The following TNFAIP8L3 variants were observed in gnomAD, a reference collection of about 807,000 sequenced individuals.
TNFAIP8L3 encodes TNF alpha induced protein 8 like 3.
In TNFAIP8L3, 7 loss-of-function variants were observed where a neutral mutation model predicts 11.8. That is an observed-to-expected ratio of 0.59 (90% CI 0.34 to 1.11). The LOEUF is 1.11. TNFAIP8L3 is among the 50% of genes most tolerant of loss of function. The pLI is 0.03. For missense variants in TNFAIP8L3, 219 were observed against 258.6 expected, an observed-to-expected ratio of 0.85 and a Z score of 1.05; for synonymous variants, 98 against 103.8, an observed-to-expected ratio of 0.94 and a Z score of 0.34.
Position 51,101,482 on chromosome 15 carries a change from G to A in TNFAIP8L3, c.172+3523C>T, listed in dbSNP as rs533496045. Among the ~76,000 whole-genome samples the A allele has an allele frequency of 1.7e-4, 26 of 152,178 alleles. No individual in the cohort carries two copies. The East Asian group carries it at 1.7e-3, about 10-fold the overall frequency. Reference sequence around the variant, plus strand: ...ACTAAAAATACAAAATTAGCCCAGCGTGGTGGTGCATGCCTATAATCCCAG... The same window carrying A: ...ACTAAAAATACAAAATTAGCCCAGCATGGTGGTGCATGCCTATAATCCCAG... On this transcript the variant is annotated intron_variant, in intron 1 of 2. Coordinates refer to the TNFAIP8L3 transcript ENST00000327536.
exon 1 of TNFAIP8L3, chr15:51,105,228 C>G: frequency 6.3e-7 from 1 of 1,580,700 alleles, no homozygotes; most frequent in South Asian, 1.1e-5. Flanking sequence ...CACACTGACT[C>G]TTTAGGAGGT....
chr15:51,102,535 T>G (rs1403606998), intron 1 of TNFAIP8L3, among the ~76,000 whole-genome samples: 1 of 152,098 alleles, frequency 6.6e-6, no homozygotes, highest in East Asian at 1.9e-4. Context: ...TATGTAAGTC[T>G]CTGATTTCAT....
At chr15:51,075,843 T>C (rs961357606) in intron 1 of TNFAIP8L3, among the ~76,000 whole-genome samples, 8 of 152,306 alleles carry the variant, frequency 5.3e-5, no homozygotes, top group Non-Finnish European at 1.2e-4. Context: ...GGTGCTCTAA[T>C]TAATTAATGT....
intron 1 of TNFAIP8L3, among the ~76,000 whole-genome samples, chr15:51,077,823 G>A (rs1333694163): frequency 1.3e-5 from 2 of 152,204 alleles, no homozygotes; most frequent in South Asian, 2.1e-4. Flanking sequence ...ACTCCAGCTC[G>A]AGTGTGCTGG....
At chr15:51,074,834 G>T (rs1292820551) in intron 1 of TNFAIP8L3, among the ~76,000 whole-genome samples, 1 of 152,132 alleles carries the variant, frequency 6.6e-6, no homozygotes, top group Non-Finnish European at 1.5e-5. Context: ...TGCCGCTGAA[G>T]GTCCCCTCCC....
intron 1 of TNFAIP8L3, among the ~76,000 whole-genome samples, chr15:51,069,296 G>A (rs1371736313): frequency 6.6e-6 from 1 of 152,216 alleles, no homozygotes; most frequent in African/African-American, 2.4e-5. Flanking sequence ...GGGGATTTGT[G>A]TGTTTTGGGG....
At chr15:51,065,356 T>C (rs1241901504) in intron 1 of TNFAIP8L3, among the ~76,000 whole-genome samples, 1 of 152,192 alleles carries the variant, frequency 6.6e-6, no homozygotes, top group Non-Finnish European at 1.5e-5. Flanking sequence ...GGAAAAGTGC[T>C]GGGGTCAGTC....
At chr15:51,087,490 G>A (rs2065437800) in intron 1 of TNFAIP8L3, among the ~76,000 whole-genome samples, 1 of 152,128 alleles carries the variant, frequency 6.6e-6, no homozygotes, top group African/African-American at 2.4e-5. Context: ...TATAAACCAG[G>A]AGTCTCCATG....
At chr15:51,073,329 C>G (rs988339943) in intron 1 of TNFAIP8L3, among the ~76,000 whole-genome samples, 1 of 152,204 alleles carries the variant, frequency 6.6e-6, no homozygotes, top group Non-Finnish European at 1.5e-5. Context: ...GAATCTTCCT[C>G]TCCATTAACA....
upstream of TNFAIP8L3, among the ~76,000 whole-genome samples, chr15:51,099,258 C>T (rs575148897): frequency 6.6e-6 from 1 of 152,122 alleles, no homozygotes; most frequent in African/African-American, 2.4e-5. Context: ...CTCTGCACAG[C>T]CCCATCCAAG....
intron 1 of TNFAIP8L3, among the ~76,000 whole-genome samples, chr15:51,069,939 T>C (rs1317610313): frequency 6.6e-6 from 1 of 152,212 alleles, no homozygotes; most frequent in East Asian, 1.9e-4. Context: ...ATTAAAGGCC[T>C]CAGTTTGAAT....
intron 1 of TNFAIP8L3, among the ~76,000 whole-genome samples, chr15:51,088,528 A>G (rs2065445682): frequency 1.3e-5 from 2 of 152,188 alleles, no homozygotes; most frequent in African/African-American, 2.4e-5. Flanking sequence ...GCATTTCTGT[A>G]TACTATCACA....
chr15:51,105,252 A>T, exon 1 of TNFAIP8L3: 1 of 1,501,364 alleles, frequency 6.7e-7, no homozygotes, highest in South Asian at 1.3e-5. Context: ...GTCGTTTCCC[A>T]TTACTTGAGG....
intron 1 of TNFAIP8L3, among the ~76,000 whole-genome samples, chr15:51,075,314 G>A (rs968613991): frequency 6.6e-6 from 1 of 152,128 alleles, no homozygotes; most frequent in East Asian, 1.9e-4. Context: ...AGCATCACCT[G>A]GGGGCCAGAG....
At chr15:51,082,357 G>C (rs2065398702) in intron 1 of TNFAIP8L3, among the ~76,000 whole-genome samples, 1 of 152,152 alleles carries the variant, frequency 6.6e-6, no homozygotes, top group South Asian at 2.1e-4. Context: ...TAAAAATGCA[G>C]TATAAAAGAT....
intron 1 of TNFAIP8L3, among the ~76,000 whole-genome samples, chr15:51,065,807 A>T (rs2065267088): frequency 6.6e-6 from 1 of 152,252 alleles, no homozygotes; most frequent in Admixed American, 6.5e-5. Flanking sequence ...TACACATCAG[A>T]ATTACTTCAT....
upstream of TNFAIP8L3, among the ~76,000 whole-genome samples, chr15:51,094,950 G>GCCGCGCCTCCCTAC (rs149898530): frequency 0.045 from 6,864 of 151,726 alleles, 510 homozygotes; most frequent in African/African-American, 0.16. This position sits in a 1 kb window ranked among gnomAD's most constrained non-coding sequence, Gnocchi z 4.4. Flanking sequence ...CGGGGGCGGC[G>GCCGCGCCTCCCTAC]CCGCGCCTCC....
chr15:51,076,250 T>C (rs8026140), intron 1 of TNFAIP8L3, among the ~76,000 whole-genome samples: 54,063 of 151,932 alleles, frequency 0.36, 9,867 homozygotes, highest in Middle Eastern at 0.42. Context: ...TTGAGGGATG[T>C]TGTTAGCAGA....
At chr15:51,066,991 A>C (rs558819286) in intron 1 of TNFAIP8L3, among the ~76,000 whole-genome samples, 1 of 152,290 alleles carries the variant, frequency 6.6e-6, no homozygotes, top group East Asian at 1.9e-4. Context: ...TGAAAGCCTT[A>C]AGGGATGGTG....
Sources: allele counts gnomAD v4.1 joint callset (sites outside exome capture counted in the v4.1 genomes callset), GRCh38; gene constraint gnomAD v4.1.1; non-coding constraint Gnocchi (gnomAD v3.1); transcripts MANE v1.5; gene names NCBI Gene and HGNC (gene_info 2026-07-23, HGNC 2026-07-21).